The following MOV10 variants were observed in gnomAD, a reference collection of about 807,000 sequenced individuals.
The protein encoded by MOV10 is Mov10 RNA helicase, also known as RNA helicase MOV-10.
Under a neutral mutation model 108.4 loss-of-function variants are expected in MOV10, and 39 were observed. That is an observed-to-expected ratio of 0.36 (90% confidence interval 0.28 to 0.47). MOV10 has a LOEUF of 0.47. MOV10 is among the 20% of genes least tolerant of loss of function. The pLI, the probability that MOV10 is intolerant of heterozygous loss-of-function variation, is 1.00. For missense variants in MOV10, 952 were observed against 1,297.6 expected (o/e 0.73, Z 4.09); for synonymous variants, 490 against 523.1 (o/e 0.94, Z 0.86).
At chr1:112,687,061 C>G in intron 2 of MOV10, 1 of 456,396 alleles carries the variant, frequency 2.2e-6, no homozygotes, top group Non-Finnish European at 4.4e-6. Context: ...ACCCACCAAC[C>G]GCAGTGGTTC....
intron 14 of MOV10, 60 bp downstream of exon 14, chr1:112,696,906 C>A: frequency 7.3e-7 from 1 of 1,370,972 alleles, no homozygotes; most frequent in Non-Finnish European, 1.0e-6. Context: ...TGCATGCAGA[C>A]CCCACTGGAG....
At chr1:112,690,301 C>T (rs576672425) in intron 5 of MOV10, among the ~76,000 whole-genome samples, 3 of 152,354 alleles carry the variant, frequency 2.0e-5, no homozygotes, top group African/African-American at 7.2e-5. Context: ...CAGTTTTAGG[C>T]ATTGTCCCTG....
At position 112,689,967 on chromosome 1, in the gene MOV10, C is replaced by T; in HGVS notation, c.705C>T (p.Ala235=). ...AAGGAGCCGGCACATTCTACATTGC[C>T]CGCTTCTTGGCTGCCGTCGCCCACA... The part of the protein sequence containing the change: ...GSEGAGTFYI[A]RFLAAVAHSP... Residue 235 remains alanine (A), a synonymous_variant, in exon 5 of 21, where the codon GCC becomes GCT. Transcript: ENST00000369645. 2 of 1,614,156 alleles carry T rather than the reference C, an allele frequency of 1.2e-6. No individual in the cohort carries two copies. The highest frequency in any genetic ancestry group is 1.3e-5 in the African/African-American group (1 of 75,042).
chr1:112,686,585 A>G (rs952514215), intron 2 of MOV10, among the ~76,000 whole-genome samples: 11 of 152,186 alleles, frequency 7.2e-5, no homozygotes, highest in African/African-American at 2.4e-4. Flanking sequence ...ACTAGGCTGT[A>G]ACCTTGACTT....
At chr1:112,678,361 C>T (rs550893515) in intron 2 of MOV10, among the ~76,000 whole-genome samples, 1 of 152,072 alleles carries the variant, frequency 6.6e-6, no homozygotes, top group Non-Finnish European at 1.5e-5. Flanking sequence ...TCTACAAGTA[C>T]TGGCTGAGTG....
At chr1:112,696,597 T>G (rs1553187457) in intron 13 of MOV10, 33 bp from the exon 14 acceptor site, 2 of 1,613,020 alleles carry the variant, frequency 1.2e-6, no homozygotes, top group East Asian at 4.5e-5. Flanking sequence ...TTGCACCACT[T>G]ACCTTTCTTC....
rs1673839335 is a variant in MOV10, at chr1:112,694,082, C to A, written c.1205C>A (p.Ser402Tyr). 6.2e-7 allele frequency: 1 copy of A among 1,613,898 alleles called. No individual in the cohort carries two copies. The highest frequency in any genetic ancestry group is 8.5e-7 in the Non-Finnish European group (1 of 1,179,990). Residue 402 changes from serine to tyrosine, a missense_variant, in exon 8 of 21, where the codon TCC (serine) becomes TAC (tyrosine). By Grantham distance (144) the Ser-to-Tyr change is moderately radical. This residue lies in a region of MOV10 where 453 missense variants were observed against 611.5 expected (regional missense o/e 0.74). Transcript: ENST00000369645. The surrounding 1 kb of genome is among the most constrained non-coding windows in gnomAD (Gnocchi z 4.1). Reference protein sequence around the residue: ...LRGDHLFALLSSETHQEDPIT... With the variant: ...LRGDHLFALLYSETHQEDPIT... ...GGCGACCACCTGTTTGCCCTTTTGT[C>A]CTCGGAGACACACCAGGAGGACCCC...
Position 112,694,553 on chromosome 1 carries a change from C to T in MOV10, c.1396C>T (p.Arg466Cys), listed in dbSNP as rs755646925. 2.6e-5 allele frequency: 42 copies of T among 1,613,904 alleles called. No homozygotes were observed. The highest frequency in any genetic ancestry group is 3.3e-4 in the Middle Eastern group (2 of 6,078). Residue 466 changes from arginine (R) to cysteine (C), a missense_variant, in exon 9 of 21, where the codon CGC (arginine) becomes TGC (cysteine). Physicochemically the swap from Arg to Cys is radical, Grantham distance 180. This residue lies in a region of MOV10 where 453 missense variants were observed against 611.5 expected (regional missense o/e 0.74). Transcript: ENST00000369645. The surrounding 1 kb of genome is among the most constrained non-coding windows in gnomAD (Gnocchi z 4.1). ...VQHRALELTG[R>C]WLLWPMLFPV... ...GCACCGTGCCCTGGAGCTGACAGGG[C>T]GCTGGCTGCTGTGGCCCATGCTCTT...
At position 112,699,925 on chromosome 1, in the gene MOV10, C is replaced by T; in HGVS notation, c.2741C>T (p.Ala914Val). ...RFNVAVTRAK[A>V]LLIIVGNPLL... ...AATGTAGCTGTGACCCGGGCCAAGG[C>T]CCTGCTCATCATCGTGGGGAACCCC... Residue 914 changes from alanine (A) to valine (V), a missense_variant, in exon 19 of 21, where the codon GCC becomes GTC. By Grantham distance (64) the Ala-to-Val change is moderately conservative (BLOSUM62 0). Around this residue, in one of 5 missense-constraint regions of MOV10, gnomAD observed 65 missense variants for 124.3 expected, o/e 0.52. Transcript: ENST00000369645. The T allele has an allele frequency of 6.2e-7, 1 of 1,614,174 alleles. No individual in the cohort carries two copies. The highest frequency in any genetic ancestry group is 8.5e-7 in the Non-Finnish European group (1 of 1,180,034).
Position 112,675,133 on chromosome 1 carries a change from C to T in MOV10, c.137+84C>T, listed in dbSNP as rs369830729. The T allele has an allele frequency of 2.0e-6, 3 of 1,517,374 alleles. No homozygotes were observed. Among genetic ancestry groups the T allele is most frequent in the East Asian group, 2.6e-5 (1 of 38,104 alleles). 94.0% of individuals were successfully genotyped at this position (1,517,374 alleles called of 1,614,324 possible). On this transcript the variant is annotated intron_variant, in intron 2 of 20. Transcript: ENST00000369645. The surrounding 1 kb of genome is among the most constrained non-coding windows in gnomAD (Gnocchi z 4.7). ...CGCGCGAGGGCCACCTTTCCCGCCC[C>T]GGGGCGCAGAGGGACGCAGCTCCCC...
intron 3 of MOV10, 62 bp from the exon 4 acceptor site, chr1:112,689,353 A>C (rs533812110): frequency 6.7e-6 from 10 of 1,491,540 alleles, no homozygotes; most frequent in Non-Finnish European, 9.3e-6. Flanking sequence ...AGCTTTCCCC[A>C]GGGTAACTCC....
At chr1:112,684,371 G>A (rs868032522) in intron 2 of MOV10, among the ~76,000 whole-genome samples, 64 of 149,212 alleles carry the variant, frequency 4.3e-4, no homozygotes, top group African/African-American at 1.2e-3. Flanking sequence ...GGGTTCAAGC[G>A]ATTCTCCTGC....
In MOV10 at chr1:112,698,331, T is replaced by C; in HGVS notation, c.2361T>C (p.Arg787=). The C allele has an allele frequency of 6.2e-7, 1 of 1,614,164 alleles. No homozygotes were observed. Among genetic ancestry groups the C allele is most frequent in the Non-Finnish European group, 8.5e-7 (1 of 1,180,010 alleles). The part of the protein sequence containing the change: ...IFHGVMGKDE[R]EGNSPSFFNP... ...ACGGCGTAATGGGCAAAGATGAGCG[T>C]GAAGGCAACAGCCCATCCTTCTTCA... Residue 787 remains arginine (R), a synonymous_variant, in exon 16 of 21, where the codon CGT becomes CGC. Coordinates refer to ENST00000369645, the MANE Select transcript of MOV10 (RefSeq NM_001321324.2).
chr1:112,682,188 C>G (rs1375547937), intron 2 of MOV10, among the ~76,000 whole-genome samples: 2 of 152,144 alleles, frequency 1.3e-5, no homozygotes, highest in Non-Finnish European at 2.9e-5. Flanking sequence ...AGCCATCGCG[C>G]CCGGCCATGG....
At chr1:112,687,745 A>C (rs1673190947) in intron 2 of MOV10, among the ~76,000 whole-genome samples, 1 of 152,102 alleles carries the variant, frequency 6.6e-6, no homozygotes, top group South Asian at 2.1e-4. Flanking sequence ...CACTGTGCTA[A>C]GTGGTTCTCT....
chr1:112,698,386 T>C lies in MOV10; in HGVS notation c.2416T>C (p.Tyr806His). The C allele has an allele frequency of 1.2e-6, 2 of 1,614,210 alleles. No individual in the cohort carries two copies. Among genetic ancestry groups the C allele is most frequent in the Non-Finnish European group, 8.5e-7 (1 of 1,180,026 alleles). Residue 806 changes from tyrosine to histidine, a missense_variant, in exon 16 of 21, where the codon TAC becomes CAC. Coordinates refer to ENST00000369645, the MANE Select transcript of MOV10 (RefSeq NM_001321324.2). Reference protein sequence around the residue: ...NPEEAATVTSYLKLLLAPSSK... With the variant: ...NPEEAATVTSHLKLLLAPSSK... ...TGAAGAGGCTGCCACAGTGACTTCC[T>C]ACCTGAAGCTGCTCCTGGCCCCCTC...
intron 20 of MOV10, 21 bp from the exon 21 acceptor site, chr1:112,700,393 CAG>C (rs1674537779): frequency 1.2e-6 from 2 of 1,613,756 alleles, no homozygotes; most frequent in Non-Finnish European, 1.7e-6. Flanking sequence ...AAGGAAGACA[CAG>C]TGTACTTTCT....
intron 17 of MOV10, 31 bp from the exon 18 acceptor site, chr1:112,699,654 T>C: frequency 3.7e-6 from 6 of 1,613,996 alleles, no homozygotes; most frequent in Non-Finnish European, 5.1e-6. Context: ...CACCCCTGGC[T>C]GGTCTCAGGC....
rs373206941 is a variant in MOV10, at chr1:112,694,593, G to A, written c.1436G>A (p.Arg479Gln). Residue 479 changes from arginine (R) to glutamine (Q), a missense_variant, in exon 9 of 21, where the codon CGG (arginine) becomes CAG (glutamine). Arg to Gln is a conservative substitution (Grantham distance 43). Transcript: ENST00000369645. This position sits in a 1 kb window ranked among gnomAD's most constrained non-coding sequence, Gnocchi z 4.1. The part of the protein sequence containing the change: ...LWPMLFPVAP[R>Q]DVPLLPSDVK... Reference sequence around the variant, plus strand: ...CCCATGCTCTTTCCTGTGGCACCTCGGGACGTCCCGCTGCTGCCCTCAGAT... The same window carrying A: ...CCCATGCTCTTTCCTGTGGCACCTCAGGACGTCCCGCTGCTGCCCTCAGAT... 8.1e-6 allele frequency: 13 copies of A among 1,611,112 alleles called. No individual in the cohort carries two copies. The highest frequency in any genetic ancestry group is 2.2e-5 in the South Asian group (2 of 90,684).
Sources: allele counts gnomAD v4.1 joint callset (sites outside exome capture counted in the v4.1 genomes callset), GRCh38; gene constraint gnomAD v4.1.1; regional missense constraint gnomAD v4.1.1; non-coding constraint Gnocchi (gnomAD v3.1); transcripts MANE v1.5; gene names NCBI Gene and HGNC (gene_info 2026-07-23, HGNC 2026-07-21).